Variants in GNG7 observed in about 807,000 individuals in gnomAD.
The protein encoded by GNG7 is guanine nucleotide-binding protein G(I)/G(S)/G(O) subunit gamma-7.
A neutral mutation model predicts 4.0 loss-of-function variants in GNG7; 1 was observed. The ratio of observed to expected loss-of-function variants is 0.25; its 90% CI spans 0.09 to 1.18. The LOEUF is 1.18. GNG7 is among the 50% of genes most tolerant of loss of function. GNG7 has a pLI of 0.50. For missense variants in GNG7, 86 were observed against 91.9 expected (o/e 0.94, Z 0.26); for synonymous variants, 34 against 36.9 (o/e 0.92, Z 0.29).
At position 2,520,636 on chromosome 19, in the gene GNG7, C is replaced by T. The variant is rs865952383; in HGVS notation, c.53G>A (p.Arg18His). ...AQARKLVEQL[R>H]IEAGIERIKV... Reference sequence around the variant, plus strand: ...GATGCGCTCAATCCCGGCTTCTATGCGTAGCTGTTCCACCAGCTTCCGGGC... The same window carrying T: ...GATGCGCTCAATCCCGGCTTCTATGTGTAGCTGTTCCACCAGCTTCCGGGC... The change falls in exon 4 of 5, where the codon CGC becomes CAC. Residue 18 changes from arginine to histidine, a missense_variant. By Grantham distance (29) the Arg-to-His change is conservative. Coordinates refer to ENST00000382159, the MANE Select transcript of GNG7 (RefSeq NM_052847.3). 8 of 1,550,868 alleles carry T rather than the reference C, an allele frequency of 5.2e-6. No homozygotes were observed. The highest frequency in any genetic ancestry group is 2.4e-5 in the East Asian group (1 of 41,902).
At chr19:2,517,309 G>A (rs1972749414) in intron 4 of GNG7, among the ~76,000 whole-genome samples, 1 of 151,950 alleles carries the variant, frequency 6.6e-6, no homozygotes, top group African/African-American at 2.4e-5. Context: ...GGGAGTACCT[G>A]AGTAGCTGGG....
At position 2,514,926 on chromosome 19, in the gene GNG7, G is replaced by A; in HGVS notation, c.*96C>T. ...TGGGGACTTGAGATGTTTTGTTTGA[G>A]CTAATTACTGAATGATGCCCTGCCT... is the stretch of plus-strand genomic sequence containing the variant. On this transcript the variant is annotated 3_prime_UTR_variant, in exon 5 of 5. Coordinates refer to ENST00000382159, the MANE Select transcript of GNG7 (RefSeq NM_052847.3). 6 of 993,524 alleles carry A rather than the reference G, an allele frequency of 6.0e-6. No individual in the cohort carries two copies. Among genetic ancestry groups the A allele is most frequent in the Non-Finnish European group, 9.2e-6 (6 of 651,890 alleles). The allele number at this position is 993,524 out of a possible 1,614,324, so 61.5% of individuals were successfully genotyped here.
intron 2 of GNG7, among the ~76,000 whole-genome samples, chr19:2,584,207 C>G (rs1980578189): frequency 6.7e-6 from 1 of 148,768 alleles, no homozygotes; most frequent in Non-Finnish European, 1.5e-5. Context: ...CTTCGGGAGG[C>G]TGAGGTGGGA....
intron 2 of GNG7, among the ~76,000 whole-genome samples, chr19:2,615,323 G>T (rs1041311730): frequency 1.3e-5 from 2 of 151,932 alleles, no homozygotes; most frequent in African/African-American, 4.8e-5. Context: ...CCTTCCTCCT[G>T]CCTTCAATGC....
At chr19:2,619,728 G>A (rs1280133642) in intron 2 of GNG7, among the ~76,000 whole-genome samples, 1 of 152,136 alleles carries the variant, frequency 6.6e-6, no homozygotes, top group Middle Eastern at 3.2e-3. Context: ...CCATCCATGG[G>A]GACAGGGAGG....
At chr19:2,612,807 C>T (rs1981612122) in intron 2 of GNG7, among the ~76,000 whole-genome samples, 1 of 150,652 alleles carries the variant, frequency 6.6e-6, no homozygotes, top group Admixed American at 6.6e-5. Context: ...ATTCTCCTGC[C>T]TGAGCCTCCT....
At chr19:2,515,981 G>C (rs114759115) in intron 4 of GNG7, among the ~76,000 whole-genome samples, 22 of 151,974 alleles carry the variant, frequency 1.4e-4, no homozygotes, top group African/African-American at 4.6e-4. Context: ...TTGGGAGGCG[G>C]AGGCGGGAGG....
chr19:2,631,766 A>G (rs1225846514), intron 2 of GNG7, among the ~76,000 whole-genome samples: 1 of 152,278 alleles, frequency 6.6e-6, no homozygotes, highest in African/African-American at 2.4e-5. Flanking sequence ...CTGTATGCCA[A>G]TAAAACTTTA....
Position 2,513,097 on chromosome 19 carries a change from C to T in GNG7, c.*1925G>A, listed in dbSNP as rs914032170. On this transcript the variant is annotated 3_prime_UTR_variant, in exon 5 of 5. Transcript: ENST00000382159. ...CCGGCTGTGGCCTGTGGGAGCTGCCCGAGGTTGAGGAGTGGAGGTCACTCC... is the reference window on the plus strand; with the variant it reads ...CCGGCTGTGGCCTGTGGGAGCTGCCTGAGGTTGAGGAGTGGAGGTCACTCC... 1.9e-5 allele frequency: 19 copies of T among 985,448 alleles called. No homozygotes were observed. The highest frequency in any genetic ancestry group is 7.0e-5 in the African/African-American group (4 of 57,234). 61.0% of individuals were successfully genotyped at this position (985,448 alleles called of 1,614,324 possible). A position where few individuals can be genotyped will look rare whatever the true frequency, so the allele number is the denominator to read the frequency against.
intron 1 of GNG7, among the ~76,000 whole-genome samples, chr19:2,692,206 G>A (rs776777971): frequency 7.9e-5 from 12 of 151,642 alleles, no homozygotes; most frequent in Non-Finnish European, 1.5e-4. Context: ...CTTACTTTCC[G>A]ACCACATTGA....
chr19:2,589,743 G>A (rs1980784742), intron 2 of GNG7, among the ~76,000 whole-genome samples: 1 of 152,134 alleles, frequency 6.6e-6, no homozygotes, highest in Non-Finnish European at 1.5e-5. Context: ...ACTACAACGT[G>A]GATGAACTCC....
At chr19:2,539,844 T>TGCCTCCCTC (rs1568236311) in intron 3 of GNG7, among the ~76,000 whole-genome samples, 1 of 102,456 alleles carries the variant, frequency 9.8e-6, no homozygotes, top group Non-Finnish European at 2.1e-5. Flanking sequence ...CTCTCCTTTC[T>TGCCTCCCTC]CCTTCCTGCC....
chr19:2,633,493 A>G lies in GNG7; in HGVS notation c.-78+12731T>C, dbSNP rs1265494448. 8.7e-3 allele frequency among the ~76,000 whole-genome samples: 997 copies of G among 115,006 alleles called. 10 individuals carry two copies. The highest frequency in any genetic ancestry group is 0.029 in the African/African-American group (906 of 31,378). 75.4% of individuals were successfully genotyped at this position (115,006 alleles called of 152,430 possible). A position where few individuals can be genotyped will look rare whatever the true frequency, so the allele number is the denominator to read the frequency against. ...CAGGCGCGCGCGCGCGCGCGCACAC[A>G]CACACACACACACACACACACACAC... is the stretch of plus-strand genomic sequence containing the variant. On this transcript the variant is annotated intron_variant, in intron 2 of 4. Coordinates refer to ENST00000382159, the MANE Select transcript of GNG7 (RefSeq NM_052847.3). This position sits in a 1 kb window ranked among gnomAD's most constrained non-coding sequence, Gnocchi z 5.9.
chr19:2,679,682 C>T (rs555671153), intron 1 of GNG7, among the ~76,000 whole-genome samples: 62 of 152,290 alleles, frequency 4.1e-4, no homozygotes, highest in African/African-American at 1.4e-3. Context: ...CTCCATGATT[C>T]GCCACCTTTC....
chr19:2,681,206 C>T (rs1245785095), intron 1 of GNG7, among the ~76,000 whole-genome samples: 1 of 151,514 alleles, frequency 6.6e-6, no homozygotes, highest in Admixed American at 6.6e-5. Context: ...GTTTTTGAGA[C>T]GGAGTCTTGC....
chr19:2,529,243 G>A (rs1318358803), intron 3 of GNG7, among the ~76,000 whole-genome samples: 2 of 152,118 alleles, frequency 1.3e-5, no homozygotes, highest in Admixed American at 6.5e-5. Flanking sequence ...TGGAGATGAT[G>A]GCTCACTCTG....
chr19:2,682,565 A>C, intron 1 of GNG7, among the ~76,000 whole-genome samples: 1 of 147,450 alleles, frequency 6.8e-6, no homozygotes, highest in South Asian at 2.2e-4. Context: ...CAGGAGGCTG[A>C]GGCAGGAGAA....
intron 2 of GNG7, among the ~76,000 whole-genome samples, chr19:2,564,586 CA>C (rs997384826): frequency 5.3e-5 from 8 of 152,014 alleles, no homozygotes; most frequent in African/African-American, 1.9e-4. Context: ...AACAGACAAA[CA>C]AACACCAAGA....
chr19:2,669,560 C>A (rs147097648), intron 1 of GNG7, among the ~76,000 whole-genome samples: 1 of 152,164 alleles, frequency 6.6e-6, no homozygotes, highest in Non-Finnish European at 1.5e-5. Flanking sequence ...CAGCCCACCA[C>A]TTGCTTTCGT....
Sources: gnomAD v4.1 joint callset for allele counts (sites outside exome capture counted in the v4.1 genomes callset) on GRCh38, gnomAD v4.1.1 for gene constraint, Gnocchi (gnomAD v3.1) non-coding constraint, MANE v1.5 for transcripts, NCBI Gene and HGNC (gene_info 2026-07-23, HGNC 2026-07-21) for gene names.